EXT1: variants seen among roughly 807,000 people sequenced by gnomAD.
EXT1 encodes exostosin-1.
A neutral mutation model predicts 82.5 loss-of-function variants in EXT1; 20 were observed. The observed-to-expected ratio is 0.24, with a 90% CI of 0.17 to 0.35. The LOEUF is 0.35. Ranked by LOEUF, EXT1 falls within the 10% of genes least tolerant of loss-of-function variation. EXT1 has a pLI of 1.00. For missense variants in EXT1, 757 were observed against 936.5 expected (o/e 0.81, Z 2.50); for synonymous variants, 348 against 350.8 (o/e 0.99, Z 0.09).
At chr8:117,917,338 G>T (rs1486185713) in intron 1 of EXT1, among the ~76,000 whole-genome samples, 3 of 152,122 alleles carry the variant, frequency 2.0e-5, no homozygotes, top group Non-Finnish European at 4.4e-5. Context: ...AGTGGTGCGT[G>T]CCTGTAATCC....
intron 1 of EXT1, among the ~76,000 whole-genome samples, chr8:117,984,802 G>C (rs1183740573): frequency 6.6e-6 from 1 of 152,180 alleles, no homozygotes; most frequent in Non-Finnish European, 1.5e-5. Context: ...AAGAGTCTCT[G>C]ATTAGAAGTT....
chr8:117,908,089 T>C (rs1813575669), intron 1 of EXT1, among the ~76,000 whole-genome samples: 1 of 152,214 alleles, frequency 6.6e-6, no homozygotes, highest in African/African-American at 2.4e-5. Context: ...CATTAAAGTT[T>C]CACTAATTTA....
chr8:117,824,405 T>G (rs1811976096), intron 4 of EXT1, among the ~76,000 whole-genome samples: 1 of 152,222 alleles, frequency 6.6e-6, no homozygotes, highest in African/African-American at 2.4e-5. Flanking sequence ...CAACAAGCAT[T>G]TTATACTGTC....
intron 1 of EXT1, among the ~76,000 whole-genome samples, chr8:117,996,024 C>A (rs1464311292): frequency 2.6e-5 from 4 of 152,016 alleles, no homozygotes; most frequent in Admixed American, 2.6e-4. Flanking sequence ...CAGAACCTTG[C>A]CACTTCTCAT....
intron 1 of EXT1, among the ~76,000 whole-genome samples, chr8:117,947,645 A>G (rs1330668714): frequency 6.6e-6 from 1 of 152,226 alleles, no homozygotes; most frequent in Non-Finnish European, 1.5e-5. Flanking sequence ...TAACATCTTA[A>G]TCATTAACTT....
chr8:117,884,703 T>G (rs1813117952), intron 1 of EXT1, among the ~76,000 whole-genome samples: 1 of 152,146 alleles, frequency 6.6e-6, no homozygotes, highest in Admixed American at 6.5e-5. Context: ...TGAATCCCAC[T>G]AACACTTAAA....
chr8:117,825,811 C>T (rs1046713938), intron 4 of EXT1, among the ~76,000 whole-genome samples: 2 of 152,116 alleles, frequency 1.3e-5, no homozygotes, highest in African/African-American at 4.8e-5. Context: ...TACTATGGTT[C>T]GTATGTGCAT....
At chr8:117,831,115 A>ACC (rs35236267) in intron 3 of EXT1, among the ~76,000 whole-genome samples, 1 of 152,182 alleles carries the variant, frequency 6.6e-6, no homozygotes, top group East Asian at 1.9e-4. Context: ...CACCACAGGG[A>ACC]CGTCATTATT....
intron 1 of EXT1, among the ~76,000 whole-genome samples, chr8:117,973,864 AG>A (rs1201899273): frequency 0.018 from 2,461 of 140,200 alleles, 143 homozygotes; most frequent in Middle Eastern, 0.05. Context: ...AGGAAAGGAA[AG>A]GAAAGGAAAG....
intron 1 of EXT1, among the ~76,000 whole-genome samples, chr8:117,885,178 C>T (rs770973114): frequency 2.0e-5 from 3 of 152,148 alleles, no homozygotes; most frequent in Non-Finnish European, 4.4e-5. Context: ...ATAATAACTT[C>T]CCTCTAATTC....
chr8:118,092,116 T>C (rs1817535666), intron 1 of EXT1, among the ~76,000 whole-genome samples: 1 of 152,252 alleles, frequency 6.6e-6, no homozygotes, highest in Non-Finnish European at 1.5e-5. Context: ...ATAACTGTCA[T>C]TAAAATATAT....
chr8:118,071,860 C>T (rs777986228), intron 1 of EXT1, among the ~76,000 whole-genome samples: 21 of 151,650 alleles, frequency 1.4e-4, no homozygotes, highest in Non-Finnish European at 1.5e-5. Context: ...GCTCCTATTG[C>T]ATAAGAAGCA....
At chr8:117,875,617 G>A (rs921195291) in intron 1 of EXT1, among the ~76,000 whole-genome samples, 2 of 152,092 alleles carry the variant, frequency 1.3e-5, no homozygotes, top group Non-Finnish European at 2.9e-5. Context: ...ATGCATTCTA[G>A]AGACTTTTCA....
intron 1 of EXT1, among the ~76,000 whole-genome samples, chr8:117,847,260 A>C (rs1463415674): frequency 6.6e-6 from 1 of 152,062 alleles, no homozygotes; most frequent in Non-Finnish European, 1.5e-5. Context: ...CACATGCCCA[A>C]CTCTTGATTT....
intron 1 of EXT1, among the ~76,000 whole-genome samples, chr8:118,036,653 T>A (rs897437267): frequency 2.0e-5 from 3 of 152,144 alleles, no homozygotes; most frequent in Non-Finnish European, 4.4e-5. Context: ...TCTGTGATCA[T>A]CAGTAAAGAC....
At chr8:117,926,751 A>G (rs1813959799) in intron 1 of EXT1, among the ~76,000 whole-genome samples, 2 of 152,192 alleles carry the variant, frequency 1.3e-5, no homozygotes. Flanking sequence ...CAGACCCAAC[A>G]AAAACGCTTA....
chr8:117,886,881 G>C (rs1458809034), intron 1 of EXT1, among the ~76,000 whole-genome samples: 1 of 152,128 alleles, frequency 6.6e-6, no homozygotes, highest in Admixed American at 6.5e-5. Flanking sequence ...GAGGTTAAAA[G>C]CTTAAGATTT....
Position 117,822,614 on chromosome 8 carries a change from A to G in EXT1, c.1285-17T>C. The G allele has an allele frequency of 1.2e-6, 2 of 1,611,206 alleles. No individual in the cohort carries two copies. The highest frequency in any genetic ancestry group is 1.7e-6 in the Non-Finnish European group (2 of 1,179,356). On this transcript the variant is annotated splice_polypyrimidine_tract_variant and intron_variant, in intron 4 of 10. Transcript: ENST00000378204. ...CTGAATAATCTAGAAAATAAAACATAGCACACAGTGAGGATGAGATCCTGA... is the reference window on the plus strand; with the variant it reads ...CTGAATAATCTAGAAAATAAAACATGGCACACAGTGAGGATGAGATCCTGA...
intron 1 of EXT1, among the ~76,000 whole-genome samples, chr8:117,967,062 T>C (rs1254770221): frequency 6.6e-6 from 1 of 152,342 alleles, no homozygotes; most frequent in African/African-American, 2.4e-5. Context: ...TGCACTTGTG[T>C]GGCAATGATA....
Sources: allele counts gnomAD v4.1 joint callset (sites outside exome capture counted in the v4.1 genomes callset), GRCh38; gene constraint gnomAD v4.1.1; transcripts MANE v1.5; gene names NCBI Gene and HGNC (gene_info 2026-07-23, HGNC 2026-07-21).